UGGT2: variants seen among roughly 807,000 people sequenced by gnomAD.
UGGT2 encodes UDP-glucose glycoprotein glucosyltransferase 2, also known as UDP-glucose:glycoprotein glucosyltransferase 2.
UGGT2 carries 180 observed loss-of-function variants against 192.1 expected under a neutral mutation model. The observed-to-expected ratio is 0.94, with a 90% CI of 0.83 to 1.06. UGGT2 has a LOEUF of 1.06. UGGT2 is among the 50% of genes least tolerant of loss of function. The pLI is 0.00. For missense variants in UGGT2, 1,849 were observed against 1,795.7 expected (o/e 1.03, Z -0.54); for synonymous variants, 580 against 591.0 (o/e 0.98, Z 0.27).
chr13:95,922,469 TAA>T (rs1272146831), intron 20 of UGGT2, among the ~76,000 whole-genome samples: 2 of 152,094 alleles, frequency 1.3e-5, no homozygotes, highest in Non-Finnish European at 2.9e-5. Flanking sequence ...TAAAAATAAA[TAA>T]AGTCATATTG....
chr13:95,928,795 C>T (rs947688891), intron 17 of UGGT2, among the ~76,000 whole-genome samples: 7 of 151,956 alleles, frequency 4.6e-5, no homozygotes, highest in Non-Finnish European at 8.8e-5. Context: ...GACGGGGTGG[C>T]GGCCGGGCAG....
At chr13:95,938,395 G>C (rs1290677259) in intron 16 of UGGT2, among the ~76,000 whole-genome samples, 2 of 152,078 alleles carry the variant, frequency 1.3e-5, no homozygotes, top group African/African-American at 4.8e-5. Flanking sequence ...CATTATTATA[G>C]CCAACATTCT....
chr13:95,876,608 C>A (rs1483678378), intron 29 of UGGT2, among the ~76,000 whole-genome samples: 1 of 152,172 alleles, frequency 6.6e-6, no homozygotes, highest in African/African-American at 2.4e-5. Flanking sequence ...TCTACTTCCC[C>A]CAAGGGGGTA....
intron 25 of UGGT2, among the ~76,000 whole-genome samples, chr13:95,889,213 A>G (rs1039686822): frequency 6.6e-6 from 1 of 152,116 alleles, no homozygotes; most frequent in Non-Finnish European, 1.5e-5. Context: ...CCTTTCAGAT[A>G]TGATTGCTTT....
At chr13:95,942,154 T>C (rs963141515) in intron 15 of UGGT2, among the ~76,000 whole-genome samples, 1 of 151,942 alleles carries the variant, frequency 6.6e-6, no homozygotes, top group Non-Finnish European at 1.5e-5. Context: ...AGTTTGTTGC[T>C]ATTCTGAATG....
chr13:95,853,780 A>C, intron 35 of UGGT2, 123 bp from the exon 36 acceptor site: 1 of 576,624 alleles, frequency 1.7e-6, no homozygotes, highest in Non-Finnish European at 2.8e-6. Context: ...AATAACAATT[A>C]ATCCTTTCAT....
intron 38 of UGGT2, among the ~76,000 whole-genome samples, chr13:95,828,912 A>G (rs1413011780): frequency 6.6e-6 from 1 of 152,162 alleles, no homozygotes; most frequent in African/African-American, 2.4e-5. Flanking sequence ...TCAATGCAAA[A>G]ATCTTCAATA....
At chr13:95,939,293 G>C (rs570196673) in intron 16 of UGGT2, among the ~76,000 whole-genome samples, 7 of 152,180 alleles carry the variant, frequency 4.6e-5, no homozygotes, top group Admixed American at 2.0e-4. Context: ...TCCTGCTTCA[G>C]GATTCTGCTT....
chr13:95,828,959 A>T (rs1045550644), intron 38 of UGGT2, among the ~76,000 whole-genome samples: 4 of 152,186 alleles, frequency 2.6e-5, no homozygotes. Context: ...CACATCAAAA[A>T]GCTTATCCAC....
chr13:96,031,411 C>A (rs1027919640), intron 2 of UGGT2, among the ~76,000 whole-genome samples: 2 of 152,120 alleles, frequency 1.3e-5, no homozygotes, highest in African/African-American at 4.8e-5. Context: ...TTCAAGTGAT[C>A]CTCCACCTCA....
Position 96,023,079 on chromosome 13 carries a change from A to G in UGGT2, c.446T>C (p.Ile149Thr). ...CTTCAGCAGCTTTTTAATCTCATTA[A>G]TTTTACAGGTGTGCTTCTTATGAAT... ...VVIHKKHTCK[I>T]NEIKKLLKKA... The change falls in exon 4 of 39, where the codon ATT (isoleucine) becomes ACT (threonine). Residue 149 changes from isoleucine to threonine, a missense_variant. Physicochemically the swap from Ile to Thr is moderately conservative, Grantham distance 89 (BLOSUM62 -1). Coordinates refer to ENST00000376747, the MANE Select transcript of UGGT2 (RefSeq NM_020121.4). 6.3e-7 allele frequency: 1 copy of G among 1,594,172 alleles called. No homozygotes were observed. Among genetic ancestry groups the G allele is most frequent in the Non-Finnish European group, 8.6e-7 (1 of 1,169,112 alleles).
intron 33 of UGGT2, chr13:95,856,727 G>A (rs1463242719): frequency 8.2e-6 from 3 of 365,012 alleles, no homozygotes; most frequent in South Asian, 6.6e-5. Context: ...CAACAGGTTG[G>A]TTGGTCAGAG....
intron 38 of UGGT2, among the ~76,000 whole-genome samples, chr13:95,820,470 C>T (rs1043721877): frequency 6.6e-6 from 1 of 151,998 alleles, no homozygotes; most frequent in Non-Finnish European, 1.5e-5. Context: ...AATATTAAAA[C>T]CTGAAAAAAT....
intron 30 of UGGT2, among the ~76,000 whole-genome samples, chr13:95,864,122 G>A (rs994755956): frequency 3.3e-5 from 5 of 151,790 alleles, no homozygotes; most frequent in Non-Finnish European, 4.4e-5. Context: ...GTTTATCTTC[G>A]GTTCTTCTAT....
At chr13:95,853,136 T>C (rs1021358205) in intron 36 of UGGT2, among the ~76,000 whole-genome samples, 3 of 152,190 alleles carry the variant, frequency 2.0e-5, no homozygotes, top group Admixed American at 1.3e-4. Flanking sequence ...CATGTGAAGA[T>C]GGACGTGTTT....
intron 4 of UGGT2, among the ~76,000 whole-genome samples, chr13:96,014,171 A>G (rs892271042): frequency 6.6e-6 from 1 of 152,220 alleles, no homozygotes; most frequent in Non-Finnish European, 1.5e-5. Flanking sequence ...CAAAGCCCAT[A>G]TGTTTTGGCA....
At chr13:95,898,124 G>A (rs1231219875) in intron 22 of UGGT2, among the ~76,000 whole-genome samples, 4 of 151,968 alleles carry the variant, frequency 2.6e-5, no homozygotes, top group African/African-American at 9.7e-5. Flanking sequence ...AACCATTCTG[G>A]TCCAAGCCAC....
intron 5 of UGGT2, among the ~76,000 whole-genome samples, chr13:96,000,869 A>G (rs1185600640): frequency 6.6e-6 from 1 of 152,236 alleles, no homozygotes; most frequent in Admixed American, 6.5e-5. Flanking sequence ...AGGTTAAAAA[A>G]AAAAATCTTT....
Position 95,986,398 on chromosome 13 carries a change from G to A in UGGT2, c.966C>T (p.Ser322=), listed in dbSNP as rs202152790. ...ATTTAATGGAATCATAAACTGGAGC[G>A]GACATTATTTGAGAAGCTGCTTGAA... ...LSFQAASQIM[S]APVYDSIKLM... is the part of the protein sequence containing the mutation. Residue 322 remains serine (S), a synonymous_variant, in exon 9 of 39, where the codon TCC becomes TCT. Transcript: ENST00000376747. 43 of 1,601,064 alleles carry A rather than the reference G, an allele frequency of 2.7e-5. No homozygotes were observed. The highest frequency in any genetic ancestry group is 5.1e-5 in the Admixed American group (3 of 59,012).
Sources: gnomAD v4.1 joint callset for allele counts (sites outside exome capture counted in the v4.1 genomes callset) on GRCh38, gnomAD v4.1.1 for gene constraint, MANE v1.5 for transcripts, NCBI Gene and HGNC (gene_info 2026-07-23, HGNC 2026-07-21) for gene names.